The following YBEY variants were observed in gnomAD, a reference collection of about 807,000 sequenced individuals.
The protein encoded by YBEY is endoribonuclease YbeY.
In YBEY, 15 loss-of-function variants were observed where a neutral mutation model predicts 13.5. That is an observed-to-expected ratio of 1.11 (90% CI 0.75 to 1.72). The LOEUF (loss-of-function observed/expected upper bound fraction) is 1.72. Ranked by LOEUF, YBEY falls within the 40% of genes most tolerant of loss-of-function variation. The pLI, the probability that YBEY is intolerant of heterozygous loss-of-function variation, is 0.00. For synonymous variants in YBEY, 101 were observed against 83.1 expected (o/e 1.21, Z -1.17); for missense variants, 244 against 208.4 (o/e 1.17, Z -1.05).
the YBEY span, among the ~76,000 whole-genome samples, chr21:46,310,871 T>A: frequency 6.6e-6 from 1 of 151,822 alleles, no homozygotes; most frequent in Non-Finnish European, 1.5e-5. Flanking sequence ...AAGCTATTAT[T>A]ATTATTATTA....
intron 3 of YBEY, among the ~76,000 whole-genome samples, chr21:46,295,731 T>TG (rs890576723): frequency 4.0e-5 from 6 of 150,196 alleles, no homozygotes; most frequent in South Asian, 2.1e-4. Context: ...CCATCCTGAC[T>TG]GGGGGTTGGA....
chr21:46,290,561 CAACCCACCCGCCACA>C (rs1318044993), intron 2 of YBEY, among the ~76,000 whole-genome samples: 1 of 151,984 alleles, frequency 6.6e-6, no homozygotes, highest in African/African-American at 2.4e-5. Context: ...GTTGGCTGGG[CAACCCACCCGCCACA>C]GGCCCAGCTG....
the YBEY span, among the ~76,000 whole-genome samples, chr21:46,306,325 C>T: frequency 4.0e-5 from 6 of 151,620 alleles, no homozygotes; most frequent in Admixed American, 3.3e-4. Context: ...ATGGTGAAAC[C>T]CCGTCTCAAC....
At chr21:46,287,489 G>C (rs13052376) in intron 2 of YBEY, among the ~76,000 whole-genome samples, 62,127 of 151,914 alleles carry the variant, frequency 0.41, 13,289 homozygotes, top group Admixed American at 0.48. Flanking sequence ...GCGTGAGCCA[G>C]AGCACCCGGC....
chr21:46,301,585 A>G (rs2082110227), downstream of YBEY: 1 of 999,922 alleles, frequency 1.0e-6, no homozygotes, highest in Non-Finnish European at 1.2e-6. Flanking sequence ...CTGGCTCCTG[A>G]GCTGAGATTT....
chr21:46,290,345 A>C (rs2081648995), intron 2 of YBEY, among the ~76,000 whole-genome samples: 1 of 151,994 alleles, frequency 6.6e-6, no homozygotes, highest in Admixed American at 6.6e-5. Flanking sequence ...AGCTGGGGTT[A>C]CAGGCATGTG....
At chr21:46,308,082 C>G in the YBEY span, among the ~76,000 whole-genome samples, 1 of 152,010 alleles carries the variant, frequency 6.6e-6, no homozygotes, top group African/African-American at 2.4e-5. Context: ...CAGCCTCCAC[C>G]TCCTGGGTTC....
In YBEY at chr21:46,297,633, G is replaced by T; in HGVS notation, c.503G>T (p.Ter168LeuextTer6). 1 of 1,313,706 alleles carries T rather than the reference G, an allele frequency of 7.6e-7. No individual in the cohort carries two copies. Among genetic ancestry groups the T allele is most frequent in the Non-Finnish European group, 9.8e-7 (1 of 1,018,666 alleles). 81.4% of individuals were successfully genotyped at this position (1,313,706 alleles called of 1,614,324 possible). The change falls in exon 5 of 5, where the codon TGA becomes TTA. Residue 168 changes from the stop codon to leucine, a stop_lost. Transcript: ENST00000397701. ...PLTRGLFGGS[*>L] Reference sequence around the variant, plus strand: ...ACCCGGGGCCTCTTCGGAGGGAGCTGAGGGCCGCGTTCCTTCTGAAAGCGG... The same window carrying T: ...ACCCGGGGCCTCTTCGGAGGGAGCTTAGGGCCGCGTTCCTTCTGAAAGCGG...
At chr21:46,288,402 G>T (rs2081554089) in intron 2 of YBEY, among the ~76,000 whole-genome samples, 1 of 152,242 alleles carries the variant, frequency 6.6e-6, no homozygotes, top group African/African-American at 2.4e-5. Context: ...AAGAGGCCGG[G>T]TGCAGTGGCT....
chr21:46,287,657 C>T (rs1264355991), intron 2 of YBEY, among the ~76,000 whole-genome samples: 1 of 152,140 alleles, frequency 6.6e-6, no homozygotes, highest in Non-Finnish European at 1.5e-5. Flanking sequence ...CGAGGCCCAT[C>T]ACCCAGAGTC....
the YBEY span, chr21:46,313,018 C>T: frequency 1.2e-5 from 12 of 985,308 alleles, no homozygotes; most frequent in East Asian, 4.5e-4. Context: ...GTGAGGCTGC[C>T]TGGCCTTGTC....
the YBEY span, among the ~76,000 whole-genome samples, chr21:46,312,443 C>G: frequency 6.6e-6 from 1 of 152,096 alleles, no homozygotes; most frequent in Non-Finnish European, 1.5e-5. Flanking sequence ...CTCAGCCTCC[C>G]GAGTAGCTGG....
intron 3 of YBEY, among the ~76,000 whole-genome samples, chr21:46,295,097 G>T (rs903534115): frequency 1.3e-5 from 2 of 152,156 alleles, no homozygotes; most frequent in Admixed American, 6.5e-5. Flanking sequence ...GTGGGCGGGG[G>T]GGTATGTGGA....
chr21:46,293,311 GATTAA>G (rs1431004258), intron 3 of YBEY, among the ~76,000 whole-genome samples: 4 of 78,048 alleles, frequency 5.1e-5, no homozygotes, highest in African/African-American at 1.7e-4. Context: ...TTAAACTCTA[GATTAA>G]ATTCCTCCCG....
downstream of YBEY, chr21:46,301,923 A>G: frequency 7.2e-7 from 1 of 1,388,566 alleles, no homozygotes; most frequent in Non-Finnish European, 9.3e-7. Flanking sequence ...TCCCTTCCAT[A>G]GTCCCGCCAC....
chr21:46,310,304 CCT>C, the YBEY span, among the ~76,000 whole-genome samples: 2 of 151,748 alleles, frequency 1.3e-5, no homozygotes, highest in South Asian at 2.1e-4. Flanking sequence ...TAGTGAAACC[CCT>C]GTCTCTACCA....
chr21:46,297,566 G>T lies in YBEY; in HGVS notation c.436G>T (p.Asp146Tyr). ...GTTCCAGAAGGAGAAGGCGGTGCTG[G>T]ACGAGCTGGGCCGACGCACGGGGAC... ...QMFQKEKAVL[D>Y]ELGRRTGTRL... Residue 146 changes from aspartate to tyrosine, a missense_variant, in exon 5 of 5, where the codon GAC (aspartate) becomes TAC (tyrosine). Asp to Tyr is a radical substitution (Grantham distance 160). Coordinates refer to ENST00000397701, the MANE Select transcript of YBEY (RefSeq NM_001314025.2). The T allele has an allele frequency of 7.2e-7, 1 of 1,397,664 alleles. No individual in the cohort carries two copies. Among genetic ancestry groups the T allele is most frequent in the Non-Finnish European group, 9.4e-7 (1 of 1,061,688 alleles). The allele number at this position is 1,397,664 out of a possible 1,614,324, so 86.6% of individuals were successfully genotyped here.
At chr21:46,305,210 A>T in the YBEY span, among the ~76,000 whole-genome samples, 1 of 151,876 alleles carries the variant, frequency 6.6e-6, no homozygotes, top group Non-Finnish European at 1.5e-5. Flanking sequence ...TGAGATTTGC[A>T]AGATAAAAAT....
At chr21:46,287,165 C>A in intron 2 of YBEY, 42 bp downstream of exon 2, 1 of 1,525,396 alleles carries the variant, frequency 6.6e-7, no homozygotes, top group Non-Finnish European at 8.9e-7. Flanking sequence ...CCCATCTTCC[C>A]AGAGTAAATT....
Sources: gnomAD v4.1 joint callset for allele counts (sites outside exome capture counted in the v4.1 genomes callset) on GRCh38, gnomAD v4.1.1 for gene constraint, MANE v1.5 for transcripts, NCBI Gene and HGNC (gene_info 2026-07-23, HGNC 2026-07-21) for gene names.